GRHL2: variants seen among roughly 807,000 people sequenced by gnomAD.
The protein encoded by GRHL2 is grainyhead-like protein 2 homolog.
A neutral mutation model predicts 83.8 loss-of-function variants in GRHL2; 21 were observed. That is an observed-to-expected ratio of 0.25 (90% CI 0.18 to 0.36). GRHL2 has a LOEUF of 0.36. GRHL2 is among the 10% of genes least tolerant of loss of function. The pLI is 1.00. For synonymous variants in GRHL2, 280 were observed against 278.9 expected (o/e 1.00, Z -0.04); for missense variants, 623 against 781.8 (o/e 0.80, Z 2.42).
intron 8 of GRHL2, among the ~76,000 whole-genome samples, chr8:101,603,451 C>G (rs745871529): frequency 6.6e-6 from 1 of 152,158 alleles, no homozygotes; most frequent in African/African-American, 2.4e-5. Flanking sequence ...TCTTTCATTG[C>G]TGACTTACAT....
At chr8:101,573,618 C>T (rs1289579202) in intron 5 of GRHL2, 50 bp from the exon 6 acceptor site, 1 of 1,609,836 alleles carries the variant, frequency 6.2e-7, no homozygotes, top group African/African-American at 1.3e-5. Flanking sequence ...GTCAAAAGAG[C>T]AGAAATGTCC....
chr8:101,654,336 T>TGAA (rs1377907251), intron 14 of GRHL2, among the ~76,000 whole-genome samples: 1 of 152,228 alleles, frequency 6.6e-6, no homozygotes, highest in Admixed American at 6.5e-5. Context: ...ATCTATAAAA[T>TGAA]GAAGTCATCA....
chr8:101,647,899 G>A (rs1278298706), intron 13 of GRHL2, among the ~76,000 whole-genome samples: 3 of 151,968 alleles, frequency 2.0e-5, no homozygotes, highest in African/African-American at 7.3e-5. Context: ...AGGAGGGGTG[G>A]GAGTTTGGAT....
chr8:101,645,977 G>A (rs910913047), intron 13 of GRHL2, among the ~76,000 whole-genome samples: 8 of 152,012 alleles, frequency 5.3e-5, no homozygotes, highest in South Asian at 2.1e-4. Context: ...ATGCTCAGGC[G>A]ATCCTCCCAC....
At chr8:101,671,885 C>T (rs1160132139), downstream of GRHL2, among the ~76,000 whole-genome samples, 8 of 152,050 alleles carry the variant, frequency 5.3e-5, no homozygotes, top group East Asian at 3.9e-4. Context: ...TCACCAATAT[C>T]GACTGTTCTA....
chr8:101,639,990 C>A (rs1813367354), intron 12 of GRHL2, among the ~76,000 whole-genome samples: 1 of 152,240 alleles, frequency 6.6e-6, no homozygotes, highest in Non-Finnish European at 1.5e-5. Flanking sequence ...CTCCTGGTAA[C>A]CCCACAATCA....
chr8:101,639,138 A>G (rs1036704932), intron 12 of GRHL2, among the ~76,000 whole-genome samples: 11 of 152,228 alleles, frequency 7.2e-5, no homozygotes, highest in African/African-American at 2.4e-4. Flanking sequence ...TTGCAAGCTG[A>G]CTGCAGTTAG....
In GRHL2 at chr8:101,581,028, G is replaced by A. The variant is rs1332430529; in HGVS notation, c.1003+3509G>A. Among the ~76,000 whole-genome samples, 4 of 152,156 alleles carry A rather than the reference G, an allele frequency of 2.6e-5. No homozygotes were observed. In the East Asian group the frequency reaches 7.7e-4, roughly 29 times the overall value. On this transcript the variant is annotated intron_variant, in intron 7 of 15. Transcript: ENST00000646743. ...ATTTTTTAAAAAACAATTATTCGAA[G>A]CCCTCTCTCCACCATATACTGCCTT... is the stretch of plus-strand genomic sequence containing the variant.
At chr8:101,628,684 T>C (rs1163394953) in intron 9 of GRHL2, among the ~76,000 whole-genome samples, 3 of 152,112 alleles carry the variant, frequency 2.0e-5, no homozygotes, top group Non-Finnish European at 4.4e-5. Context: ...CCATTTTAGA[T>C]GCCATTAAAA....
chr8:101,673,419 AGAC>A (rs944057402), downstream of GRHL2, among the ~76,000 whole-genome samples: 30 of 151,888 alleles, frequency 2.0e-4, no homozygotes, highest in Non-Finnish European at 4.1e-4. Flanking sequence ...CTGATAAAAC[AGAC>A]TTTAAACCAA....
intron 9 of GRHL2, among the ~76,000 whole-genome samples, chr8:101,624,525 A>G (rs1411289237): frequency 7.9e-5 from 2 of 25,368 alleles, no homozygotes. Flanking sequence ...GTTCACAGTA[A>G]GACAGTTCAG....
intron 1 of GRHL2, among the ~76,000 whole-genome samples, chr8:101,540,708 C>G (rs1378715431): frequency 6.6e-6 from 1 of 152,224 alleles, no homozygotes; most frequent in Admixed American, 6.5e-5. Context: ...CACGCCAGTT[C>G]TCCATCACAA....
chr8:101,650,879 C>A (rs567174635), intron 14 of GRHL2, among the ~76,000 whole-genome samples: 1 of 151,972 alleles, frequency 6.6e-6, no homozygotes. Flanking sequence ...AATGTCATCA[C>A]GCTGCCCTCT....
intron 1 of GRHL2, among the ~76,000 whole-genome samples, chr8:101,539,942 G>A (rs1268440237): frequency 3.3e-5 from 5 of 152,136 alleles, no homozygotes; most frequent in African/African-American, 1.2e-4. Flanking sequence ...TGGCAGGTAC[G>A]TGGGGTAAAG....
chr8:101,576,463 T>TC (rs1255635987), intron 6 of GRHL2, among the ~76,000 whole-genome samples: 1 of 151,936 alleles, frequency 6.6e-6, no homozygotes, highest in Non-Finnish European at 1.5e-5. Context: ...CAAGAGATCT[T>TC]CCCCCCTCAG....
intron 1 of GRHL2, among the ~76,000 whole-genome samples, chr8:101,505,858 A>G (rs1170857067): frequency 6.6e-6 from 1 of 152,196 alleles, no homozygotes; most frequent in East Asian, 1.9e-4. Context: ...GTTAGCCTTC[A>G]TAATCCTTCC....
intron 8 of GRHL2, 80 bp from the exon 9 acceptor site, chr8:101,619,459 A>T: frequency 7.7e-7 from 1 of 1,292,298 alleles, no homozygotes. Flanking sequence ...TAGTATTTTG[A>T]CTTAAAGTCT....
chr8:101,514,438 C>T (rs1163622221), intron 1 of GRHL2, among the ~76,000 whole-genome samples: 2 of 152,176 alleles, frequency 1.3e-5, no homozygotes, highest in African/African-American at 4.8e-5. Flanking sequence ...GGAAGGAGAG[C>T]CCCCAGACTC....
rs1445243146 is a variant in GRHL2, at chr8:101,664,528, A to C, written c.1763+10A>C. The C allele has an allele frequency of 6.3e-7, 1 of 1,590,882 alleles. No homozygotes were observed. The highest frequency in any genetic ancestry group is 1.7e-5 in the Admixed American group (1 of 59,992). ...AGAAAAGCAAAAAAGGGTAAGAAAG[A>C]AACTGAACTTAAATTGACTTTCAAA... On this transcript the variant is annotated intron_variant, in intron 15 of 15. Coordinates refer to ENST00000646743, the MANE Select transcript of GRHL2 (RefSeq NM_024915.4).
Sources: allele counts gnomAD v4.1 joint callset (sites outside exome capture counted in the v4.1 genomes callset), GRCh38; gene constraint gnomAD v4.1.1; transcripts MANE v1.5; gene names NCBI Gene and HGNC (gene_info 2026-07-23, HGNC 2026-07-21).